PDCD1LG2: variants seen among roughly 807,000 people sequenced by gnomAD.
PDCD1LG2 encodes the protein B7 dendritic cell molecule.
Under a neutral mutation model 28.2 loss-of-function variants are expected in PDCD1LG2, and 32 were observed. The observed-to-expected ratio is 1.13, with a 90% CI of 0.86 to 1.52. PDCD1LG2 has a LOEUF of 1.52. Among genes scored for constraint, PDCD1LG2 ranks in the 40% most tolerant of loss-of-function variants. The pLI, the probability that PDCD1LG2 is intolerant of heterozygous loss-of-function variation, is 0.00. For missense variants in PDCD1LG2, 385 were observed against 323.8 expected (o/e 1.19, Z -1.45); for synonymous variants, 116 against 120.2 (o/e 0.97, Z 0.23).
chr9:5,514,843 C>G (rs1820126536), intron 1 of PDCD1LG2, among the ~76,000 whole-genome samples: 1 of 144,928 alleles, frequency 6.9e-6, no homozygotes. Context: ...ACAAGGTAGA[C>G]AAGAAATATC....
Position 5,566,456 on chromosome 9 carries a change from T to C in PDCD1LG2, c.816+3245T>C, listed in dbSNP as rs369898438. On this transcript the variant is annotated intron_variant, in intron 6 of 6. Coordinates refer to ENST00000397747, the MANE Select transcript of PDCD1LG2 (RefSeq NM_025239.4). ...GTAACTCGCTTTGGTCAATTAAATG[T>C]AAGCATAAGTGATGCGTGTTATTTC... Among the ~76,000 whole-genome samples the C allele has an allele frequency of 2.0e-5, 3 of 152,348 alleles. No individual in the cohort carries two copies. The South Asian group carries it at 6.2e-4, about 32-fold the overall frequency.
intron 3 of PDCD1LG2, among the ~76,000 whole-genome samples, chr9:5,541,048 G>C (rs1364593559): frequency 6.6e-6 from 1 of 152,120 alleles, no homozygotes; most frequent in African/African-American, 2.4e-5. Flanking sequence ...GGGATGCAGG[G>C]ATGGTTTAAC....
At chr9:5,550,697 CTCT>C (rs1816312771) in intron 4 of PDCD1LG2, among the ~76,000 whole-genome samples, 3 of 139,434 alleles carry the variant, frequency 2.2e-5, no homozygotes, top group African/African-American at 8.3e-5. Flanking sequence ...CTCTCTCTCT[CTCT>C]TTTTTTTTTT....
At chr9:5,528,280 A>G (rs1018340287) in intron 2 of PDCD1LG2, among the ~76,000 whole-genome samples, 1 of 147,720 alleles carries the variant, frequency 6.8e-6, no homozygotes, top group Middle Eastern at 3.6e-3. Flanking sequence ...TATATTTTAT[A>G]TATATATACA....
chr9:5,527,132 T>G (rs934198666), intron 2 of PDCD1LG2, among the ~76,000 whole-genome samples: 2 of 152,262 alleles, frequency 1.3e-5, no homozygotes, highest in African/African-American at 2.4e-5. Context: ...TATATCATTT[T>G]TAAAGGATAT....
At chr9:5,513,960 C>G (rs560826229) in intron 1 of PDCD1LG2, among the ~76,000 whole-genome samples, 1 of 152,292 alleles carries the variant, frequency 6.6e-6, no homozygotes, top group East Asian at 1.9e-4. Flanking sequence ...GTGGTTAGTT[C>G]AGGTATTTCA....
At position 5,563,224 on chromosome 9, in the gene PDCD1LG2, G is replaced by A. The variant is rs758190657; in HGVS notation, c.816+13G>A. 1 of 1,603,062 alleles carries A rather than the reference G, an allele frequency of 6.2e-7. No individual in the cohort carries two copies. The highest frequency in any genetic ancestry group is 8.5e-7 in the Non-Finnish European group (1 of 1,171,704). On this transcript the variant is annotated intron_variant, in intron 6 of 6. Coordinates refer to ENST00000397747, the MANE Select transcript of PDCD1LG2 (RefSeq NM_025239.4). ...AGTGAACAGTGCTGTGAGTAAGCATGATTTTTACTTTTCTTTCTTACTTTC... is the reference window on the plus strand; with the variant it reads ...AGTGAACAGTGCTGTGAGTAAGCATAATTTTTACTTTTCTTTCTTACTTTC...
chr9:5,539,588 G>A (rs1301324963), intron 3 of PDCD1LG2, among the ~76,000 whole-genome samples: 1 of 152,214 alleles, frequency 6.6e-6, no homozygotes, highest in East Asian at 1.9e-4. Flanking sequence ...GAAAAGCCAG[G>A]TGGCACCTAC....
intron 6 of PDCD1LG2, among the ~76,000 whole-genome samples, chr9:5,564,588 C>T (rs1217576050): frequency 2.0e-5 from 3 of 152,216 alleles, no homozygotes; most frequent in Non-Finnish European, 4.4e-5. Context: ...CTTAAAGAGG[C>T]ACCAGCATAC....
chr9:5,558,065 G>A (rs1054523182), intron 5 of PDCD1LG2, among the ~76,000 whole-genome samples: 5 of 152,190 alleles, frequency 3.3e-5, no homozygotes, highest in African/African-American at 1.2e-4. Context: ...AATGCAGAGA[G>A]CTACGTGCTC....
At chr9:5,537,735 C>CG (rs1175143469) in intron 3 of PDCD1LG2, among the ~76,000 whole-genome samples, 3 of 151,940 alleles carry the variant, frequency 2.0e-5, no homozygotes, top group African/African-American at 7.3e-5. Flanking sequence ...GTTGTGTGGT[C>CG]GGGGGAGGGG....
intron 4 of PDCD1LG2, among the ~76,000 whole-genome samples, chr9:5,551,157 G>C (rs966001011): frequency 2.0e-5 from 3 of 152,152 alleles, no homozygotes; most frequent in African/African-American, 7.2e-5. Context: ...ACATGTTCCA[G>C]GGATTAGAAT....
chr9:5,551,942 G>C (rs1195279890), intron 4 of PDCD1LG2, among the ~76,000 whole-genome samples: 1 of 152,152 alleles, frequency 6.6e-6, no homozygotes, highest in Non-Finnish European at 1.5e-5. Flanking sequence ...TGCTGCTGCT[G>C]TGGATCCCAA....
intron 3 of PDCD1LG2, among the ~76,000 whole-genome samples, chr9:5,543,344 C>T (rs1183626326): frequency 2.6e-5 from 4 of 152,024 alleles, no homozygotes; most frequent in Non-Finnish European, 5.9e-5. Context: ...TCAAGATCAT[C>T]CTGGCTAACA....
chr9:5,560,999 T>A (rs1426115550), intron 5 of PDCD1LG2, among the ~76,000 whole-genome samples: 3 of 152,094 alleles, frequency 2.0e-5, no homozygotes, highest in Non-Finnish European at 4.4e-5. Flanking sequence ...GTCTTTACGT[T>A]TCAAGAATAC....
At chr9:5,519,647 T>C (rs1820236872) in intron 1 of PDCD1LG2, among the ~76,000 whole-genome samples, 1 of 152,218 alleles carries the variant, frequency 6.6e-6, no homozygotes, top group Admixed American at 6.5e-5. Context: ...TCTTTAACAC[T>C]TCTGCATTGA....
At chr9:5,522,908 G>T (rs897676693) in intron 2 of PDCD1LG2, among the ~76,000 whole-genome samples, 5 of 152,174 alleles carry the variant, frequency 3.3e-5, no homozygotes, top group African/African-American at 1.2e-4. Context: ...AAGAGGGCAG[G>T]GGTTGAGTTC....
intron 1 of PDCD1LG2, among the ~76,000 whole-genome samples, chr9:5,514,825 T>G (rs552259025): frequency 6.9e-6 from 1 of 144,460 alleles, no homozygotes. Flanking sequence ...GAGTATGAAC[T>G]GATAAATACA....
intron 3 of PDCD1LG2, 108 bp from the exon 4 acceptor site, chr9:5,549,227 A>G: frequency 9.6e-7 from 1 of 1,038,424 alleles, no homozygotes; most frequent in East Asian, 2.4e-5. Flanking sequence ...AACCATTATT[A>G]CTTAATATTG....
Sources: allele counts gnomAD v4.1 joint callset (sites outside exome capture counted in the v4.1 genomes callset), GRCh38; gene constraint gnomAD v4.1.1; transcripts MANE v1.5; gene names NCBI Gene and HGNC (gene_info 2026-07-23, HGNC 2026-07-21).